The following CDK6 variants were observed in gnomAD, a reference collection of about 807,000 sequenced individuals.
CDK6 encodes the protein cyclin-dependent kinase 6.
Under a neutral mutation model 37.1 loss-of-function variants are expected in CDK6, and 6 were observed. The observed-to-expected ratio is 0.16, with a 90% confidence interval of 0.09 to 0.32. CDK6 has a LOEUF of 0.32. CDK6 is among the 10% of genes least tolerant of loss of function. The pLI is 1.00. For missense variants in CDK6, 224 were observed against 418.9 expected, an observed-to-expected ratio of 0.53 and a Z score of 4.06; for synonymous variants, 160 against 161.3, an observed-to-expected ratio of 0.99 and a Z score of 0.06.
chr7:92,718,208 C>T (rs1798277359), intron 4 of CDK6, among the ~76,000 whole-genome samples: 2 of 152,116 alleles, frequency 1.3e-5, no homozygotes, highest in African/African-American at 4.8e-5. Context: ...ACAAAACAGA[C>T]CTGGTTGTGT....
chr7:92,741,114 C>A (rs989064228), intron 3 of CDK6, among the ~76,000 whole-genome samples: 1 of 151,978 alleles, frequency 6.6e-6, no homozygotes, highest in Non-Finnish European at 1.5e-5. Context: ...GTTAAATAAA[C>A]GATGATGTGT....
chr7:92,661,174 C>T (rs1796826125), intron 5 of CDK6, among the ~76,000 whole-genome samples: 1 of 152,182 alleles, frequency 6.6e-6, no homozygotes, highest in East Asian at 1.9e-4. Flanking sequence ...AGGTCACCAT[C>T]AACCTCTAAT....
chr7:92,831,586 A>AATACAAATAAAT (rs1801482248), intron 2 of CDK6, among the ~76,000 whole-genome samples: 1 of 152,240 alleles, frequency 6.6e-6, no homozygotes, highest in Non-Finnish European at 1.5e-5. Flanking sequence ...TGTTGTTTTT[A>AATACAAATAAAT]ACAAATAAAA....
chr7:92,687,727 T>C (rs1342587307), intron 4 of CDK6, among the ~76,000 whole-genome samples: 2 of 152,208 alleles, frequency 1.3e-5, no homozygotes, highest in South Asian at 2.1e-4. Context: ...TTTACACATG[T>C]ACACACCTAT....
intron 3 of CDK6, among the ~76,000 whole-genome samples, chr7:92,761,421 A>G (rs757822400): frequency 1.3e-5 from 2 of 152,162 alleles, no homozygotes; most frequent in Non-Finnish European, 2.9e-5. Flanking sequence ...AAATGTTACT[A>G]AATCAGGCCT....
rs534121085 is a variant in CDK6 at position 92,753,635 on chromosome 7, G to C, written c.369+21061C>G. ...AGCCTCCCGAGTAGCTGGGATTACA[G>C]GTGCACACCACCACGCCCAGCTAGT... On this transcript the variant is annotated intron_variant, in intron 3 of 7. Coordinates refer to ENST00000424848, the MANE Select transcript of CDK6 (RefSeq NM_001145306.2). 1.7e-4 allele frequency among the ~76,000 whole-genome samples: 26 copies of C among 151,010 alleles called. No homozygotes were observed. The South Asian group carries it at 5.0e-3, about 29-fold the overall frequency.
At chr7:92,756,615 A>C (rs1799325361) in intron 3 of CDK6, among the ~76,000 whole-genome samples, 1 of 152,292 alleles carries the variant, frequency 6.6e-6, no homozygotes, top group South Asian at 2.1e-4. Context: ...CAATAACTTA[A>C]AGAGTTGTAT....
At chr7:92,775,131 A>G (rs1467179710) in intron 2 of CDK6, among the ~76,000 whole-genome samples, 1 of 152,240 alleles carries the variant, frequency 6.6e-6, no homozygotes, top group Admixed American at 6.5e-5. Context: ...GACCTTAGAT[A>G]GAACTTGCCA....
intron 2 of CDK6, among the ~76,000 whole-genome samples, chr7:92,806,359 G>A (rs1007283199): frequency 2.0e-5 from 3 of 152,136 alleles, no homozygotes; most frequent in Non-Finnish European, 4.4e-5. Context: ...ATGTACAATT[G>A]TAGATTCTGA....
chr7:92,667,234 G>T (rs1467822201), intron 5 of CDK6, among the ~76,000 whole-genome samples: 6 of 152,242 alleles, frequency 3.9e-5, no homozygotes, highest in South Asian at 2.1e-4. Context: ...TAGACACAAG[G>T]TTATCTAGGC....
intron 4 of CDK6, among the ~76,000 whole-genome samples, chr7:92,678,755 G>A (rs551344503): frequency 2.4e-4 from 37 of 152,228 alleles, no homozygotes; most frequent in Non-Finnish European, 4.4e-4. Context: ...GCCCCAGATA[G>A]TCTCTGCCCT....
In CDK6 at chr7:92,610,571, T is replaced by C. The variant is rs1304719664; in HGVS notation, c.*4569A>G. On this transcript the variant is annotated 3_prime_UTR_variant, in exon 8 of 8. Transcript: ENST00000424848. ...GTACAAGATAGAAATGCTTGAGATATAGGGATGTATTAAAATTGGGTTGTG... is the reference window on the plus strand; with the variant it reads ...GTACAAGATAGAAATGCTTGAGATACAGGGATGTATTAAAATTGGGTTGTG... The C allele has an allele frequency of 6.6e-5, 15 of 228,128 alleles. No homozygotes were observed. The highest frequency in any genetic ancestry group is 1.8e-4 in the South Asian group (1 of 5,494). 14.1% of individuals were successfully genotyped at this position (228,128 alleles called of 1,614,324 possible).
At chr7:92,789,620 G>C (rs1800232998) in intron 2 of CDK6, among the ~76,000 whole-genome samples, 1 of 152,022 alleles carries the variant, frequency 6.6e-6, no homozygotes, top group African/African-American at 2.4e-5. Context: ...GTAATCTCTG[G>C]GGTAACCATT....
intron 4 of CDK6, among the ~76,000 whole-genome samples, chr7:92,697,971 C>A (rs1207059752): frequency 1.3e-5 from 2 of 152,098 alleles, no homozygotes; most frequent in Non-Finnish European, 2.9e-5. Flanking sequence ...CTACAGGATC[C>A]ATATTCTCAT....
chr7:92,662,859 C>T (rs1158654367), intron 5 of CDK6, among the ~76,000 whole-genome samples: 2 of 152,078 alleles, frequency 1.3e-5, no homozygotes, highest in African/African-American at 4.8e-5. Flanking sequence ...CGGAACTGTG[C>T]CCCCAAGAAG....
At chr7:92,769,303 C>T (rs1010066766) in intron 3 of CDK6, among the ~76,000 whole-genome samples, 12 of 151,918 alleles carry the variant, frequency 7.9e-5, no homozygotes, top group Non-Finnish European at 1.3e-4. Context: ...CTTTTCTGGC[C>T]CTCTCAAGCT....
Position 92,835,721 on chromosome 7 carries a change from C to T in CDK6, c.-368+757G>A, listed in dbSNP as rs1262155880. On this transcript the variant is annotated intron_variant, in intron 1 of 7. Coordinates refer to ENST00000424848, the MANE Select transcript of CDK6 (RefSeq NM_001145306.2). The surrounding 1 kb of genome is among the most constrained non-coding windows in gnomAD (Gnocchi z 4.2). ...ACCAGCACAGCGACAAGAGGCCACA[C>T]CGGGGACCGCGACTCCCGCGTGTGC... Among the ~76,000 whole-genome samples, 1 of 152,248 alleles carries T rather than the reference C, an allele frequency of 6.6e-6. No homozygotes were observed. Among genetic ancestry groups the T allele is most frequent in the East Asian group, 1.9e-4 (1 of 5,190 alleles).
At chr7:92,749,635 TA>T (rs1219330627) in intron 3 of CDK6, among the ~76,000 whole-genome samples, 1 of 152,222 alleles carries the variant, frequency 6.6e-6, no homozygotes, top group Non-Finnish European at 1.5e-5. Context: ...TTTCCACTTA[TA>T]TCTCATAGGG....
In CDK6 at chr7:92,614,017, G is replaced by A. The variant is rs891416804; in HGVS notation, c.*1123C>T. The A allele has an allele frequency of 1.3e-5, 3 of 233,116 alleles. No homozygotes were observed. Among genetic ancestry groups the A allele is most frequent in the Non-Finnish European group, 2.5e-5 (3 of 118,030 alleles). 14.4% of individuals were successfully genotyped at this position (233,116 alleles called of 1,614,324 possible). On this transcript the variant is annotated 3_prime_UTR_variant, in exon 8 of 8. Transcript: ENST00000424848. ...GCAATATATTTCAGAAGTGCCGGGA[G>A]ATAGACAAGATGGATACTTTGCCAA... is the stretch of plus-strand genomic sequence containing the variant.
Sources: gnomAD v4.1 joint callset for allele counts (sites outside exome capture counted in the v4.1 genomes callset) on GRCh38, gnomAD v4.1.1 for gene constraint, Gnocchi (gnomAD v3.1) non-coding constraint, MANE v1.5 for transcripts, NCBI Gene and HGNC (gene_info 2026-07-23, HGNC 2026-07-21) for gene names.